FAM222B: variants seen among roughly 807,000 people sequenced by gnomAD.
FAM222B encodes the protein protein FAM222B.
FAM222B carries 12 observed loss-of-function variants against 38.0 expected under a neutral mutation model. That is an observed-to-expected ratio of 0.32 (90% CI 0.20 to 0.51). FAM222B has a LOEUF of 0.51. Ranked by LOEUF, FAM222B falls within the 20% of genes least tolerant of loss-of-function variation. The pLI, the probability that FAM222B is intolerant of heterozygous loss-of-function variation, is 0.97. For synonymous variants in FAM222B, 329 were observed against 317.2 expected (o/e 1.04, Z -0.40); for missense variants, 716 against 754.2 (o/e 0.95, Z 0.59).
At chr17:28,834,829 A>G (rs2038782617) in intron 1 of FAM222B, 1 of 150,876 alleles carries the variant, frequency 6.6e-6, no homozygotes, top group Admixed American at 6.7e-5. Flanking sequence ...TTAAAAAAAA[A>G]GAAAAAAAGA....
chr17:28,777,639 G>C (rs1039767179), intron 1 of FAM222B, among the ~76,000 whole-genome samples: 2 of 152,110 alleles, frequency 1.3e-5, no homozygotes, highest in Admixed American at 6.6e-5. Flanking sequence ...CATTCCTGAA[G>C]GATAGCACAT....
intron 1 of FAM222B, among the ~76,000 whole-genome samples, chr17:28,772,573 CA>C (rs111471814): frequency 0.17 from 15,804 of 92,956 alleles, 2,903 homozygotes; most frequent in African/African-American, 0.46. Flanking sequence ...AAAAAAAATA[CA>C]AAAAAAAAAA....
At chr17:28,811,324 C>T (rs1188931821) in intron 1 of FAM222B, among the ~76,000 whole-genome samples, 1 of 152,152 alleles carries the variant, frequency 6.6e-6, no homozygotes, top group Non-Finnish European at 1.5e-5. Flanking sequence ...CCTGTAATCC[C>T]AGCTACTCAG....
In FAM222B at chr17:28,758,114, TTC is replaced by T. The variant is rs2034797770; in HGVS notation, c.*154_*155del. 1.5e-6 allele frequency: 1 copy of T among 677,402 alleles called. No individual in the cohort carries two copies. The highest frequency in any genetic ancestry group is 1.8e-5 in the African/African-American group (1 of 55,068). 42.0% of individuals were successfully genotyped at this position (677,402 alleles called of 1,614,324 possible). A position where few individuals can be genotyped will look rare whatever the true frequency, so the allele number is the denominator to read the frequency against. On this transcript the variant is annotated 3_prime_UTR_variant, in exon 3 of 3. Transcript: ENST00000581407. ...CTGGAGGGGAGGACGAGAGGACCCC[TTC>T]TGTCCCCACTTAGATCCCACCAAAT...
At chr17:28,830,976 T>C (rs1366396348) in intron 1 of FAM222B, among the ~76,000 whole-genome samples, 1 of 149,448 alleles carries the variant, frequency 6.7e-6, no homozygotes, top group Non-Finnish European at 1.5e-5. Context: ...CCATACTTAA[T>C]AGTGTGAATG....
At position 28,840,416 on chromosome 17, in the gene FAM222B, G is replaced by C. The variant is rs748245853; in HGVS notation, c.-41+2266C>G. Among the ~76,000 whole-genome samples, 5 of 152,050 alleles carry C rather than the reference G, an allele frequency of 3.3e-5. No individual in the cohort carries two copies. The East Asian group carries it at 7.7e-4, about 24-fold the overall frequency. On this transcript the variant is annotated intron_variant, in intron 1 of 2. Transcript: ENST00000581407. ...CATTTTCTCTTTCCATAAACACATA[G>C]TTTGTCCTCTGCTTTGTCTACATTA...
intron 1 of FAM222B, among the ~76,000 whole-genome samples, chr17:28,848,625 G>C (rs1236538457): frequency 6.6e-6 from 1 of 151,946 alleles, no homozygotes; most frequent in African/African-American, 2.4e-5. Context: ...CGGTGTGGTG[G>C]TGGCTACCTG....
chr17:28,815,415 C>T (rs539034911), intron 1 of FAM222B, among the ~76,000 whole-genome samples: 5 of 152,034 alleles, frequency 3.3e-5, no homozygotes, highest in African/African-American at 4.8e-5. Context: ...GGGGTTTCAC[C>T]GTGTTAGCCA....
chr17:28,780,495 T>G (rs969221282), intron 1 of FAM222B, among the ~76,000 whole-genome samples: 9 of 150,482 alleles, frequency 6.0e-5, no homozygotes, highest in Middle Eastern at 3.2e-3. Context: ...AAAAAAGAAA[T>G]AAATAAAACA....
intron 1 of FAM222B, among the ~76,000 whole-genome samples, chr17:28,810,460 TTTGTTTTATATA>T (rs1371879480): frequency 3.6e-5 from 1 of 27,470 alleles, no homozygotes; most frequent in Non-Finnish European, 6.7e-5. Context: ...ACTAGCTAAC[TTTGTTTTATATA>T]CTAGCTAACT....
intron 1 of FAM222B, among the ~76,000 whole-genome samples, chr17:28,800,000 G>C (rs971686653): frequency 9.2e-5 from 14 of 151,574 alleles, no homozygotes; most frequent in African/African-American, 3.4e-4. Context: ...CTTTGATAAA[G>C]ACTGGCATTT....
intron 1 of FAM222B, among the ~76,000 whole-genome samples, chr17:28,810,505 TTGTTTTATATACTAGCTAACTC>T (rs1325124093): frequency 3.1e-3 from 42 of 13,344 alleles, no homozygotes; most frequent in African/African-American, 0.017. Flanking sequence ...CTAGCTAACT[TTGTTTTATATACTAGCTAACTC>T]TGTTTTATAT....
intron 1 of FAM222B, among the ~76,000 whole-genome samples, chr17:28,787,901 C>T (rs1477609761): frequency 6.8e-6 from 1 of 146,144 alleles, no homozygotes; most frequent in Admixed American, 7.1e-5. Flanking sequence ...CTTGGCTCAC[C>T]GCAACCTCCA....
intron 1 of FAM222B, among the ~76,000 whole-genome samples, chr17:28,774,610 C>T (rs1238036144): frequency 2.0e-5 from 3 of 152,106 alleles, no homozygotes; most frequent in Admixed American, 2.0e-4. Flanking sequence ...TCCCTGCCCC[C>T]GACCAGAAGA....
At chr17:28,851,046 G>A (rs2039177395) in intron 1 of FAM222B, among the ~76,000 whole-genome samples, 1 of 152,014 alleles carries the variant, frequency 6.6e-6, no homozygotes, top group South Asian at 2.1e-4. Context: ...TTGAACCCAG[G>A]AGGTGGAGGT....
At chr17:28,766,457 T>TA (rs749007741) in intron 2 of FAM222B, 129 bp downstream of exon 2, 56,233 of 592,648 alleles carry the variant, frequency 0.095, 29 homozygotes, top group East Asian at 0.1. Context: ...GACTTCGTCT[T>TA]AAAAAAAAAA....
upstream of FAM222B, among the ~76,000 whole-genome samples, chr17:28,845,276 C>G (rs1422680661): frequency 6.6e-6 from 1 of 151,940 alleles, no homozygotes; most frequent in Non-Finnish European, 1.5e-5. Flanking sequence ...TGGCGGGCCC[C>G]TGCAGTCCCA....
chr17:28,822,085 G>A (rs1276526202), intron 1 of FAM222B, among the ~76,000 whole-genome samples: 2 of 148,136 alleles, frequency 1.4e-5, no homozygotes, highest in Non-Finnish European at 3.0e-5. Flanking sequence ...GCAATGGTGC[G>A]ATCTCGGCTC....
chr17:28,773,650 T>A (rs2035746711), intron 1 of FAM222B, among the ~76,000 whole-genome samples: 1 of 151,716 alleles, frequency 6.6e-6, no homozygotes, highest in South Asian at 2.1e-4. Flanking sequence ...AATACAAAAT[T>A]AGCCGGGCAT....
Sources: gnomAD v4.1 joint callset for allele counts (sites outside exome capture counted in the v4.1 genomes callset) on GRCh38, gnomAD v4.1.1 for gene constraint, MANE v1.5 for transcripts, NCBI Gene and HGNC (gene_info 2026-07-23, HGNC 2026-07-21) for gene names.